Variants in WDR70 observed in about 807,000 individuals in gnomAD.
The protein encoded by WDR70 is WD repeat domain 70.
A neutral mutation model predicts 88.6 loss-of-function variants in WDR70; 53 were observed. That is an observed-to-expected ratio of 0.60 (90% CI 0.48 to 0.75). The LOEUF (loss-of-function observed/expected upper bound fraction) is 0.75, where lower values mean the gene tolerates loss of function less well. WDR70 is among the 30% of genes least tolerant of loss of function. The pLI is 0.00. For missense variants in WDR70, 610 were observed against 823.2 expected (o/e 0.74, Z 3.17); for synonymous variants, 280 against 270.0 (o/e 1.04, Z -0.36).
In WDR70 at chr5:37,479,820, T is replaced by C. The variant is rs1739605013; in HGVS notation, c.687-14T>C. 1 of 1,601,486 alleles carries C rather than the reference T, an allele frequency of 6.2e-7. No individual in the cohort carries two copies. Among genetic ancestry groups the C allele is most frequent in the East Asian group, 2.2e-5 (1 of 44,772 alleles). ...GCTTAGTATCTTACCAACTTTCCTT[T>C]TCTTTTCGTACAGCCATCAGATCAA... On this transcript the variant is annotated splice_polypyrimidine_tract_variant and intron_variant, in intron 7 of 17. Transcript: ENST00000265107.
chr5:37,493,780 T>C (rs1041630624), intron 8 of WDR70, among the ~76,000 whole-genome samples: 3 of 151,936 alleles, frequency 2.0e-5, no homozygotes, highest in Admixed American at 1.3e-4. Context: ...TTGTTAGGGA[T>C]TGTGATCAAA....
intron 6 of WDR70, among the ~76,000 whole-genome samples, chr5:37,440,908 C>T (rs1156906733): frequency 2.0e-5 from 3 of 152,222 alleles, no homozygotes; most frequent in Non-Finnish European, 4.4e-5. Context: ...TAAGATTTAA[C>T]AATTTTTAGT....
intron 7 of WDR70, among the ~76,000 whole-genome samples, chr5:37,466,785 C>T (rs1227843607): frequency 6.8e-6 from 1 of 147,090 alleles, no homozygotes; most frequent in Non-Finnish European, 1.5e-5. Context: ...TTGATGGATA[C>T]ATGTGGCTAG....
rs1195587119 is a variant in WDR70, at chr5:37,434,183, T to C, written c.493-3739T>C. Among the ~76,000 whole-genome samples, 10 of 152,126 alleles carry C rather than the reference T, an allele frequency of 6.6e-5. No homozygotes were observed. In the East Asian group the frequency reaches 1.9e-3, roughly 29 times the overall value. ...GTGCGACATGCAAGCAGGGGAAATG[T>C]CAAATGCTTATAAAAAACCATCAGA... On this transcript the variant is annotated intron_variant, in intron 5 of 17. Coordinates refer to ENST00000265107, the MANE Select transcript of WDR70 (RefSeq NM_018034.4).
At chr5:37,709,706 C>G (rs1240318011) in intron 13 of WDR70, among the ~76,000 whole-genome samples, 1 of 152,190 alleles carries the variant, frequency 6.6e-6, no homozygotes, top group Non-Finnish European at 1.5e-5. Context: ...TCAAGAAGTG[C>G]AGTGGTCACT....
intron 9 of WDR70, among the ~76,000 whole-genome samples, chr5:37,569,870 G>A (rs1451276923): frequency 2.6e-5 from 4 of 152,106 alleles, no homozygotes; most frequent in African/African-American, 7.2e-5. Context: ...GTAGAAAAGG[G>A]GCAGAAATAG....
intron 5 of WDR70, among the ~76,000 whole-genome samples, chr5:37,410,366 T>G (rs1302681493): frequency 6.6e-6 from 1 of 151,896 alleles, no homozygotes; most frequent in Non-Finnish European, 1.5e-5. Flanking sequence ...ACTTGAGTAC[T>G]GATGAAAACT....
At chr5:37,539,380 A>G (rs1040001313) in intron 9 of WDR70, among the ~76,000 whole-genome samples, 3 of 152,188 alleles carry the variant, frequency 2.0e-5, no homozygotes, top group African/African-American at 7.2e-5. Flanking sequence ...TGGTATCCTT[A>G]TAAGAAGACA....
intron 9 of WDR70, among the ~76,000 whole-genome samples, chr5:37,551,085 C>A (rs947270152): frequency 4.0e-4 from 61 of 151,702 alleles, no homozygotes; most frequent in Admixed American, 3.7e-3. Flanking sequence ...AGGTGGATCA[C>A]CTGAGGTCAG....
chr5:37,736,864 A>G (rs1247675731), intron 17 of WDR70, among the ~76,000 whole-genome samples: 1 of 152,080 alleles, frequency 6.6e-6, no homozygotes. Flanking sequence ...TTATTCTTTA[A>G]TAGTACAAAA....
At chr5:37,483,101 G>GC (rs1270855677) in intron 8 of WDR70, among the ~76,000 whole-genome samples, 1 of 129,886 alleles carries the variant, frequency 7.7e-6, no homozygotes, top group Non-Finnish European at 1.6e-5. Flanking sequence ...AGTGGTCTCA[G>GC]TTTTTTTTTT....
At chr5:37,542,470 G>A (rs962435454) in intron 9 of WDR70, among the ~76,000 whole-genome samples, 2 of 151,834 alleles carry the variant, frequency 1.3e-5, no homozygotes, top group Admixed American at 1.3e-4. Flanking sequence ...TAGTAGAGAC[G>A]GGGTTTTACC....
rs1398310542 is a variant in WDR70, at chr5:37,516,587, A to G, written c.914A>G (p.Asp305Gly). The G allele has an allele frequency of 1.9e-6, 3 of 1,597,488 alleles. No individual in the cohort carries two copies. Among genetic ancestry groups the G allele is most frequent in the Non-Finnish European group, 2.6e-6 (3 of 1,167,124 alleles). The change falls in exon 9 of 18, where the codon GAT (aspartate) becomes GGT (glycine). Residue 305 changes from aspartate (D) to glycine (G), a missense_variant. Physicochemically the swap from Asp to Gly is moderately conservative, Grantham distance 94 (BLOSUM62 -1). Coordinates refer to ENST00000265107, the MANE Select transcript of WDR70 (RefSeq NM_018034.4). The part of the protein sequence containing the change: ...IKGEFMTCSN[D>G]ATVRTWEVEN... ...GGAGAATTTATGACTTGCTCAAATG[A>G]TGCGTGAGTATTGTTGATAATTCAT...
At chr5:37,699,373 G>A (rs559634414) in intron 11 of WDR70, among the ~76,000 whole-genome samples, 25 of 118,208 alleles carry the variant, frequency 2.1e-4, no homozygotes, top group East Asian at 1.0e-3. Context: ...GTGTGTGTGT[G>A]TATATATATG....
chr5:37,536,445 T>C (rs370904245), intron 9 of WDR70, among the ~76,000 whole-genome samples: 11 of 152,132 alleles, frequency 7.2e-5, no homozygotes, highest in South Asian at 4.1e-4. Flanking sequence ...CAGAAGTATT[T>C]TGGATTTCAG....
At chr5:37,676,658 G>T (rs1427280240) in intron 10 of WDR70, among the ~76,000 whole-genome samples, 1 of 151,896 alleles carries the variant, frequency 6.6e-6, no homozygotes, top group Non-Finnish European at 1.5e-5. Context: ...GAGGATTTTT[G>T]CATCAATGTT....
intron 8 of WDR70, among the ~76,000 whole-genome samples, chr5:37,510,194 C>G (rs556720753): frequency 6.6e-6 from 1 of 152,068 alleles, no homozygotes; most frequent in East Asian, 1.9e-4. Context: ...TTCAGATTTA[C>G]CAATTGCTAA....
At chr5:37,682,617 G>C (rs1027398190) in intron 10 of WDR70, among the ~76,000 whole-genome samples, 1 of 151,838 alleles carries the variant, frequency 6.6e-6, no homozygotes, top group African/African-American at 2.4e-5. Flanking sequence ...CAGAGATTCT[G>C]GTATGTTGTA....
intron 8 of WDR70, among the ~76,000 whole-genome samples, chr5:37,499,913 AT>A (rs149403353): frequency 0.011 from 1,597 of 151,942 alleles, 13 homozygotes; most frequent in Non-Finnish European, 0.019. Context: ...TAATTTATCA[AT>A]TTTTTTCTTT....
Sources: allele counts gnomAD v4.1 joint callset (sites outside exome capture counted in the v4.1 genomes callset), GRCh38; gene constraint gnomAD v4.1.1; transcripts MANE v1.5; gene names NCBI Gene and HGNC (gene_info 2026-07-23, HGNC 2026-07-21).